Variants in EDA2R observed in about 807,000 individuals in gnomAD.
The protein encoded by EDA2R is tumor necrosis factor receptor superfamily member 27.
Under a neutral mutation model 20.1 loss-of-function variants are expected in EDA2R, and 26 were observed. The ratio of observed to expected loss-of-function variants is 1.30; its 90% confidence interval spans 0.95 to 1.80. The LOEUF (loss-of-function observed/expected upper bound fraction) is 1.80. Ranked by LOEUF, EDA2R falls within the 40% of genes most tolerant of loss-of-function variation. EDA2R has a pLI of 0.00. For synonymous variants in EDA2R, 114 were observed against 88.7 expected (o/e 1.29, Z -1.60); for missense variants, 277 against 228.7 (o/e 1.21, Z -1.36).
chrX:66,610,272 A>ACACACAC (rs1555950268), intron 2 of EDA2R, among the ~76,000 whole-genome samples: 17 of 87,471 alleles, frequency 1.9e-4, no homozygotes, highest in East Asian at 3.8e-4. Context: ...CAGATACACA[A>ACACACAC]ACACACACAC....
At chrX:66,623,728 A>G (rs895689067) in intron 1 of EDA2R, among the ~76,000 whole-genome samples, 7 of 111,210 alleles carry the variant, frequency 6.3e-5, no homozygotes, top group Non-Finnish European at 1.3e-4. Flanking sequence ...AGGCCTTCAC[A>G]TCTGCTGTTC....
At chrX:66,600,066 G>A in intron 5 of EDA2R, 4 of 1,160,777 alleles carry the variant, frequency 3.4e-6, no homozygotes, top group Non-Finnish European at 4.6e-6. Context: ...AGGCTAGCTG[G>A]TACTGGATCA....
chrX:66,635,532 C>T (rs1415821714), intron 1 of EDA2R, among the ~76,000 whole-genome samples: 1 of 112,391 alleles, frequency 8.9e-6, no homozygotes, highest in East Asian at 2.8e-4. Flanking sequence ...GTCAAGAAGA[C>T]ATCTAAAGAA....
intron 6 of EDA2R, among the ~76,000 whole-genome samples, chrX:66,599,269 C>G (rs921187656): frequency 9.0e-6 from 1 of 111,370 alleles, no homozygotes; most frequent in Admixed American, 9.6e-5. Flanking sequence ...AGTTCCCTGA[C>G]AATTGTAGAC....
At chrX:66,601,323 C>A (rs5919161) in intron 5 of EDA2R, among the ~76,000 whole-genome samples, 6,494 of 111,722 alleles carry the variant, frequency 0.058, 163 homozygotes, top group Middle Eastern at 0.12. Context: ...TAAGCAACAA[C>A]TCTTATCTGG....
Position 66,597,921 on chromosome X carries a change from A to T in EDA2R, c.*183T>A, listed in dbSNP as rs964585046. On this transcript the variant is annotated 3_prime_UTR_variant, in exon 7 of 7. Coordinates refer to ENST00000374719, the MANE Select transcript of EDA2R (RefSeq NM_021783.5). ...AAAAGGGAAGCAAGAAATGCTCCAG[A>T]TCAGTCCTTGTGAAATGGAGAATCA... 5.3e-5 allele frequency: 32 copies of T among 598,257 alleles called. No homozygotes were observed. The African/African-American group carries it at 7.3e-4, about 14-fold the overall frequency. 49.3% of individuals were successfully genotyped at this position (598,257 alleles called of 1,213,427 possible).
chrX:66,623,811 A>G (rs1932838732), intron 1 of EDA2R, among the ~76,000 whole-genome samples: 1 of 111,919 alleles, frequency 8.9e-6, no homozygotes, highest in South Asian at 3.7e-4. Context: ...CTTTGTTCAT[A>G]TACAGTCTTC....
At chrX:66,637,470 T>A (rs957424557) in intron 1 of EDA2R, among the ~76,000 whole-genome samples, 2 of 112,163 alleles carry the variant, frequency 1.8e-5, no homozygotes, top group Admixed American at 1.9e-4. Context: ...TTCCATTGTC[T>A]GCTAAATCAA....
At chrX:66,639,098 CCGCCCTTCACCCCG>C (rs1934615258), upstream of EDA2R, 1 of 95,580 alleles carries the variant, frequency 1.0e-5, no homozygotes, top group Admixed American at 1.2e-4. Flanking sequence ...CCGTCACCCC[CCGCCCTTCACCCCG>C]CGCCCCTCAG....
intron 5 of EDA2R, 132 bp downstream of exon 5, chrX:66,602,501 C>T: frequency 1.3e-6 from 1 of 752,322 alleles, no homozygotes; most frequent in Non-Finnish European, 1.9e-6. Flanking sequence ...CCCAGGCCAA[C>T]AGAAGACTAT....
chrX:66,625,368 C>T (rs1320805117), intron 1 of EDA2R, among the ~76,000 whole-genome samples: 1 of 110,821 alleles, frequency 9.0e-6, no homozygotes, highest in South Asian at 3.9e-4. Context: ...TGCATGGGAG[C>T]TGGGTGAGGC....
intron 1 of EDA2R, among the ~76,000 whole-genome samples, chrX:66,616,968 G>T (rs1272248829): frequency 1.8e-5 from 2 of 112,443 alleles, no homozygotes; most frequent in Non-Finnish European, 3.8e-5. Context: ...ACAGAGTTAA[G>T]TATGCAGAAA....
At chrX:66,605,275 T>G in intron 2 of EDA2R, 49 bp from the exon 3 acceptor site, 1 of 1,125,224 alleles carries the variant, frequency 8.9e-7, no homozygotes, top group Non-Finnish European at 1.2e-6. Flanking sequence ...AGCTTGGAGA[T>G]GGGATCACCT....
At chrX:66,623,299 T>A (rs191029882) in intron 1 of EDA2R, among the ~76,000 whole-genome samples, 2 of 112,060 alleles carry the variant, frequency 1.8e-5, no homozygotes, top group African/African-American at 6.5e-5. Flanking sequence ...TCAGAGAGAA[T>A]CTGTTGAGGG....
chrX:66,632,490 A>G (rs1021137236), intron 1 of EDA2R, among the ~76,000 whole-genome samples: 18 of 108,746 alleles, frequency 1.7e-4, no homozygotes, highest in African/African-American at 5.4e-4. Flanking sequence ...GAAGGAAGAA[A>G]GAAGGAAGAA....
intron 1 of EDA2R, among the ~76,000 whole-genome samples, chrX:66,629,541 C>A (rs780930328): frequency 8.9e-6 from 1 of 111,736 alleles, no homozygotes; most frequent in Non-Finnish European, 1.9e-5. Context: ...CTCCTATACA[C>A]CAACAGTGAC....
intron 1 of EDA2R, among the ~76,000 whole-genome samples, chrX:66,621,542 T>C (rs2147896045): frequency 8.9e-6 from 1 of 112,628 alleles, no homozygotes; most frequent in East Asian, 2.8e-4. Context: ...ATGTGGTTTA[T>C]CCATACAATG....
intron 2 of EDA2R, among the ~76,000 whole-genome samples, chrX:66,609,149 G>A (rs1169391162): frequency 8.9e-6 from 1 of 111,932 alleles, no homozygotes; most frequent in East Asian, 2.8e-4. Context: ...CCATAAGCCT[G>A]GCTTCCTGAA....
At chrX:66,618,318 C>T (rs943888060) in intron 1 of EDA2R, among the ~76,000 whole-genome samples, 6 of 112,092 alleles carry the variant, frequency 5.4e-5, no homozygotes, top group Non-Finnish European at 9.4e-5. Flanking sequence ...GAGGTCAGGG[C>T]GTATGTGTAA....
Sources: gnomAD v4.1 joint callset for allele counts (sites outside exome capture counted in the v4.1 genomes callset) on GRCh38, gnomAD v4.1.1 for gene constraint, MANE v1.5 for transcripts, NCBI Gene and HGNC (gene_info 2026-07-23, HGNC 2026-07-21) for gene names.